Variants in MRPS6 observed in about 807,000 individuals in gnomAD.
MRPS6 encodes mitochondrial ribosomal protein S6, also known as small ribosomal subunit protein bS6m.
A neutral mutation model predicts 13.1 loss-of-function variants in MRPS6; 6 were observed. The ratio of observed to expected loss-of-function variants is 0.46; its 90% CI spans 0.25 to 0.91. The LOEUF is 0.91. Ranked by LOEUF, MRPS6 falls within the 40% of genes least tolerant of loss-of-function variation. MRPS6 has a pLI of 0.18. For missense variants in MRPS6, 164 were observed against 155.6 expected, an observed-to-expected ratio of 1.05 and a Z score of -0.29; for synonymous variants, 61 against 56.5, an observed-to-expected ratio of 1.08 and a Z score of -0.36.
intron 1 of MRPS6, chr21:34,104,902 G>T (rs1056887404): frequency 4.0e-6 from 4 of 1,000,058 alleles, no homozygotes; most frequent in Non-Finnish European, 4.8e-6. Flanking sequence ...TGGCAGAAAT[G>T]CCTTTCATCT....
intron 1 of MRPS6, among the ~76,000 whole-genome samples, chr21:34,110,060 T>TC (rs1473174756): frequency 6.6e-6 from 1 of 152,158 alleles, no homozygotes; most frequent in Non-Finnish European, 1.5e-5. Flanking sequence ...TTTCTGCCCT[T>TC]CCCTGAGATA....
At chr21:34,121,026 G>T (rs59926993) in intron 1 of MRPS6, among the ~76,000 whole-genome samples, 1 of 140,632 alleles carries the variant, frequency 7.1e-6, no homozygotes, top group Admixed American at 6.7e-5. Context: ...GCACCTGTTC[G>T]ATGAGTGTGG....
At chr21:34,105,915 C>G (rs562970225) in intron 1 of MRPS6, 1 of 987,116 alleles carries the variant, frequency 1.0e-6, no homozygotes, top group Non-Finnish European at 1.2e-6. Context: ...CTTGTCTATT[C>G]TAACCTATTG....
intron 1 of MRPS6, among the ~76,000 whole-genome samples, chr21:34,108,428 G>A (rs1602944728): frequency 1.3e-5 from 2 of 152,184 alleles, no homozygotes; most frequent in African/African-American, 4.8e-5. Context: ...GTGTGTAGTA[G>A]GGTACGCCTT....
In MRPS6 at chr21:34,096,537, T is replaced by A; in HGVS notation, c.45+22792T>A. On this transcript the variant is annotated intron_variant, in intron 1 of 2. Coordinates refer to ENST00000399312, the MANE Select transcript of MRPS6 (RefSeq NM_032476.4). This position sits in a 1 kb window ranked among gnomAD's most constrained non-coding sequence, Gnocchi z 5.9. ...CCTTTACATTCAGGAGGTAGCAGATTACCTGACACCCCCAGTGGCAGCCTT... is the reference window on the plus strand; with the variant it reads ...CCTTTACATTCAGGAGGTAGCAGATAACCTGACACCCCCAGTGGCAGCCTT... 6.2e-7 allele frequency: 1 copy of A among 1,614,122 alleles called. No individual in the cohort carries two copies. The highest frequency in any genetic ancestry group is 1.1e-5 in the South Asian group (1 of 91,078).
intron 1 of MRPS6, among the ~76,000 whole-genome samples, chr21:34,116,214 G>GTGTGTGTGTGTGTGTGTGTA (rs1448441396): frequency 6.9e-6 from 1 of 145,368 alleles, no homozygotes; most frequent in African/African-American, 2.6e-5. Flanking sequence ...GTGTGTGTGT[G>GTGTGTGTGTGTGTGTGTGTA]TGTATGTGTG....
intron 1 of MRPS6, chr21:34,104,903 C>G (rs748383912): frequency 1.0e-6 from 1 of 1,000,042 alleles, no homozygotes; most frequent in South Asian, 4.7e-5. Flanking sequence ...GGCAGAAATG[C>G]CTTTCATCTA....
chr21:34,115,369 C>T (rs1260722424), intron 1 of MRPS6, among the ~76,000 whole-genome samples: 1 of 152,200 alleles, frequency 6.6e-6, no homozygotes, highest in Non-Finnish European at 1.5e-5. Context: ...CATCCCTTGG[C>T]TTCATTGACC....
chr21:34,135,462 C>A, intron 2 of MRPS6: 1 of 488,620 alleles, frequency 2.0e-6, no homozygotes. Flanking sequence ...CACATGCCAG[C>A]TCATCCTTCT....
intron 2 of MRPS6, among the ~76,000 whole-genome samples, chr21:34,129,091 T>G (rs975928222): frequency 6.6e-6 from 1 of 152,314 alleles, no homozygotes; most frequent in South Asian, 2.1e-4. Flanking sequence ...AAATTCTTAC[T>G]GTATTCCTGG....
intron 1 of MRPS6, among the ~76,000 whole-genome samples, chr21:34,110,155 A>G (rs1188447548): frequency 6.6e-6 from 1 of 152,204 alleles, no homozygotes; most frequent in Non-Finnish European, 1.5e-5. Context: ...TTCACATTTC[A>G]AAGGGGCCTT....
At chr21:34,124,977 G>C (rs1980248891) in intron 1 of MRPS6, 1 of 162,082 alleles carries the variant, frequency 6.2e-6, no homozygotes, top group South Asian at 2.0e-4. Flanking sequence ...CCTGGAATTT[G>C]AATTTTGAGT....
chr21:34,096,605 G>T lies in MRPS6; in HGVS notation c.45+22860G>T. 1 of 1,614,100 alleles carries T rather than the reference G, an allele frequency of 6.2e-7. No individual in the cohort carries two copies. The highest frequency in any genetic ancestry group is 8.5e-7 in the Non-Finnish European group (1 of 1,179,996). On this transcript the variant is annotated intron_variant, in intron 1 of 2. Coordinates refer to ENST00000399312, the MANE Select transcript of MRPS6 (RefSeq NM_032476.4). The surrounding 1 kb of genome is among the most constrained non-coding windows in gnomAD (Gnocchi z 5.9). Reference sequence around the variant, plus strand: ...TCTGGAAGCGCTGCAATGAACAAGGGGCTTTCTATGGTGGAATGGCTGGCT... The same window carrying T: ...TCTGGAAGCGCTGCAATGAACAAGGTGCTTTCTATGGTGGAATGGCTGGCT...
At chr21:34,077,146 G>A (rs1346055657) in intron 1 of MRPS6, among the ~76,000 whole-genome samples, 1 of 152,186 alleles carries the variant, frequency 6.6e-6, no homozygotes, top group Non-Finnish European at 1.5e-5. Context: ...GAAAATGGTT[G>A]AAGCCCTTTG....
At chr21:34,135,496 G>A in intron 2 of MRPS6, 1 of 505,284 alleles carries the variant, frequency 2.0e-6, no homozygotes, top group Non-Finnish European at 4.0e-6. Context: ...GGAGTTGGAG[G>A]AGCCCTTGGT....
chr21:34,102,778 A>G, intron 1 of MRPS6: 5 of 1,000,078 alleles, frequency 5.0e-6, no homozygotes, highest in Non-Finnish European at 6.0e-6. Context: ...ATACCACTGA[A>G]AAGCACTATA....
chr21:34,100,213 G>A (rs1207222234), intron 1 of MRPS6: 3 of 1,000,048 alleles, frequency 3.0e-6, no homozygotes, highest in Non-Finnish European at 3.6e-6. Context: ...GGTGTTAATG[G>A]TATCCCCAGT....
intron 1 of MRPS6, among the ~76,000 whole-genome samples, chr21:34,089,168 C>A (rs548622809): frequency 6.7e-6 from 1 of 149,782 alleles, no homozygotes; most frequent in Non-Finnish European, 1.5e-5. Context: ...GCTGGGATTA[C>A]AGGCGTGTGC....
chr21:34,125,245 C>A, intron 1 of MRPS6, 96 bp from the exon 2 acceptor site: 1 of 1,500,970 alleles, frequency 6.7e-7, no homozygotes, highest in Non-Finnish European at 8.9e-7. Context: ...ACCAGTAGAG[C>A]TGTTATGATT....
Sources: allele counts gnomAD v4.1 joint callset (sites outside exome capture counted in the v4.1 genomes callset), GRCh38; gene constraint gnomAD v4.1.1; non-coding constraint Gnocchi (gnomAD v3.1); transcripts MANE v1.5; gene names NCBI Gene and HGNC (gene_info 2026-07-23, HGNC 2026-07-21).